The following ADAMTS18 variants were observed in gnomAD, a reference collection of about 807,000 sequenced individuals.
ADAMTS18 encodes ADAM metallopeptidase with thrombospondin type 1 motif 18, also known as A disintegrin and metalloproteinase with thrombospondin motifs 18.
Under a neutral mutation model 165.9 loss-of-function variants are expected in ADAMTS18, and 157 were observed. The ratio of observed to expected loss-of-function variants is 0.95; its 90% CI spans 0.83 to 1.08. The LOEUF is 1.08. Among genes scored for constraint, ADAMTS18 ranks in the 50% least tolerant of loss-of-function variants. The pLI, the probability that ADAMTS18 is intolerant of heterozygous loss-of-function variation, is 0.00. For missense variants in ADAMTS18, 2,040 were observed against 1,534.0 expected, an observed-to-expected ratio of 1.33 and a Z score of -5.51; for synonymous variants, 782 against 578.2, an observed-to-expected ratio of 1.35 and a Z score of -5.06.
intron 16 of ADAMTS18, among the ~76,000 whole-genome samples, chr16:77,311,038 A>T (rs553268988): frequency 6.6e-6 from 1 of 152,320 alleles, no homozygotes; most frequent in East Asian, 1.9e-4. Context: ...ATACACATGA[A>T]GGCAGATGAA....
rs370958292 is a variant in ADAMTS18 at position 77,338,773 on chromosome 16, GA to G, written c.1711-2870del. On this transcript the variant is annotated intron_variant, in intron 11 of 22. Coordinates refer to ENST00000282849, the MANE Select transcript of ADAMTS18 (RefSeq NM_199355.4). Reference sequence around the variant, plus strand: ...CCGAGAGCATCCTGGCTAATACGGTGAAACCTCATCTCTAATAAAAAATAGA... The same window carrying G: ...CCGAGAGCATCCTGGCTAATACGGTGAACCTCATCTCTAATAAAAAATAGA... Among the ~76,000 whole-genome samples, 51 of 151,726 alleles carry G rather than the reference GA, an allele frequency of 3.4e-4. No homozygotes were observed. The East Asian group carries it at 7.9e-3, about 24-fold the overall frequency.
intron 3 of ADAMTS18, among the ~76,000 whole-genome samples, chr16:77,370,658 G>A (rs530456333): frequency 2.0e-5 from 3 of 152,280 alleles, no homozygotes; most frequent in South Asian, 4.1e-4. Flanking sequence ...GCTGAGACAG[G>A]AGAATCGCTT....
chr16:77,312,546 A>G (rs2055803258), intron 16 of ADAMTS18, among the ~76,000 whole-genome samples: 1 of 152,234 alleles, frequency 6.6e-6, no homozygotes, highest in Non-Finnish European at 1.5e-5. Context: ...CCGTCTCAAA[A>G]AAAACTTCTA....
intron 3 of ADAMTS18, among the ~76,000 whole-genome samples, chr16:77,369,587 G>C (rs542729759): frequency 9.2e-5 from 14 of 152,326 alleles, no homozygotes; most frequent in South Asian, 4.1e-4. Context: ...GAGTTAAGGA[G>C]ATTTAATCTG....
chr16:77,410,460 T>A (rs1377995286), intron 3 of ADAMTS18, among the ~76,000 whole-genome samples: 1 of 152,104 alleles, frequency 6.6e-6, no homozygotes, highest in African/African-American at 2.4e-5. Flanking sequence ...GGCCTAGGAA[T>A]CTGAATTTTT....
intron 17 of ADAMTS18, among the ~76,000 whole-genome samples, chr16:77,299,132 C>CAGTGTG (rs1420089188): frequency 1.3e-5 from 2 of 152,210 alleles, no homozygotes; most frequent in Non-Finnish European, 2.9e-5. Flanking sequence ...CTAAATGAAA[C>CAGTGTG]AGTGTGAAGA....
chr16:77,335,825 T>A lies in ADAMTS18; in HGVS notation c.1790A>T (p.Lys597Met). Residue 597 changes from lysine (K) to methionine (M), a missense_variant, in exon 12 of 23, where the codon AAG (lysine) becomes ATG (methionine). Lys to Met is a moderately conservative substitution (Grantham distance 95). Transcript: ENST00000282849. ...PIHGQWSAWS[K>M]WSECSRTCGG... ...ACATGTCCGGGAACATTCTGACCAC[T>A]TCGACCAGGCGGACCACTGGCCGTG... The A allele has an allele frequency of 6.2e-7, 1 of 1,614,200 alleles. No individual in the cohort carries two copies. Among genetic ancestry groups the A allele is most frequent in the Non-Finnish European group, 8.5e-7 (1 of 1,180,036 alleles).
At chr16:77,363,641 G>C (rs2056748325) in intron 6 of ADAMTS18, among the ~76,000 whole-genome samples, 161 bp downstream of exon 6, 1 of 151,620 alleles carries the variant, frequency 6.6e-6, no homozygotes, top group African/African-American at 2.4e-5. Flanking sequence ...TTAATTGTGT[G>C]ATTACACAAT....
intron 3 of ADAMTS18, among the ~76,000 whole-genome samples, chr16:77,403,385 A>G (rs1188215113): frequency 2.0e-5 from 3 of 152,194 alleles, no homozygotes; most frequent in Non-Finnish European, 4.4e-5. Context: ...TCAATGTCAC[A>G]ACAATTTTAT....
chr16:77,318,503 C>T (rs188951030), intron 16 of ADAMTS18, among the ~76,000 whole-genome samples: 2 of 152,294 alleles, frequency 1.3e-5, no homozygotes, highest in Admixed American at 1.3e-4. Flanking sequence ...ACAATACCTA[C>T]CTTCCTAAGG....
chr16:77,315,894 A>G (rs74805570), intron 16 of ADAMTS18, among the ~76,000 whole-genome samples: 14,922 of 152,112 alleles, frequency 0.098, 994 homozygotes, highest in East Asian at 0.27. Flanking sequence ...ACTCTTGAAT[A>G]TCTAAGGTAC....
At chr16:77,315,627 G>A (rs1172177458) in intron 16 of ADAMTS18, among the ~76,000 whole-genome samples, 1 of 152,142 alleles carries the variant, frequency 6.6e-6, no homozygotes, top group East Asian at 1.9e-4. Flanking sequence ...TCCGTGACAG[G>A]TGCATGCTCC....
At chr16:77,301,473 A>C (rs1174739140) in intron 16 of ADAMTS18, among the ~76,000 whole-genome samples, 1 of 152,222 alleles carries the variant, frequency 6.6e-6, no homozygotes, top group East Asian at 1.9e-4. Flanking sequence ...TTCTTTTCCA[A>C]GCTGAAAGCA....
At chr16:77,375,234 C>G (rs2056932079) in intron 3 of ADAMTS18, among the ~76,000 whole-genome samples, 1 of 152,140 alleles carries the variant, frequency 6.6e-6, no homozygotes, top group Admixed American at 6.5e-5. Flanking sequence ...ATTGGTCAGG[C>G]TGATCCCGAA....
At chr16:77,303,816 G>A (rs556241514) in intron 16 of ADAMTS18, among the ~76,000 whole-genome samples, 9 of 152,296 alleles carry the variant, frequency 5.9e-5, no homozygotes, top group East Asian at 5.8e-4. Context: ...GGTGGATCAC[G>A]AGGTTAGGAG....
intron 13 of ADAMTS18, among the ~76,000 whole-genome samples, 175 bp downstream of exon 13, chr16:77,325,691 A>AC (rs398119518): frequency 3.3e-5 from 5 of 151,530 alleles, no homozygotes; most frequent in African/African-American, 7.3e-5. Flanking sequence ...AAAAAAAAAA[A>AC]CAACAGTGGA....
rs769808162 is a variant in ADAMTS18, at chr16:77,315,156, T to TA, written c.2532+4692dup. Among the ~76,000 whole-genome samples, 134 of 151,592 alleles carry TA rather than the reference T, an allele frequency of 8.8e-4. 1 individual carries two copies. The highest frequency in any genetic ancestry group is 1.9e-3 in the African/African-American group (80 of 41,316). On this transcript the variant is annotated intron_variant, in intron 16 of 22. Transcript: ENST00000282849. ...TCCTTCATTTTCTACCATCATGGCC[T>TA]AAAAAAAAATTTCTGTATCATCTAC...
At position 77,398,852 on chromosome 16, in the gene ADAMTS18, G is replaced by C. The variant is rs1260169779; in HGVS notation, c.496-31129C>G. ...ACTGTGTTAAGAAGTGTAAGTTTAAGACCTAAAGAGAGAGAAGACTGAAAA... is the reference window on the plus strand; with the variant it reads ...ACTGTGTTAAGAAGTGTAAGTTTAACACCTAAAGAGAGAGAAGACTGAAAA... On this transcript the variant is annotated intron_variant, in intron 3 of 22. Transcript: ENST00000282849. Among the ~76,000 whole-genome samples, 5 of 152,268 alleles carry C rather than the reference G, an allele frequency of 3.3e-5. No homozygotes were observed. The East Asian group carries it at 5.8e-4, about 18-fold the overall frequency.
At chr16:77,344,155 G>GTGTATATA (rs369058375) in intron 10 of ADAMTS18, among the ~76,000 whole-genome samples, 404 of 140,236 alleles carry the variant, frequency 2.9e-3, no homozygotes, top group African/African-American at 0.01. Context: ...ATGTGTGTGT[G>GTGTATATA]TATATATATA....
Sources: allele counts gnomAD v4.1 joint callset (sites outside exome capture counted in the v4.1 genomes callset), GRCh38; gene constraint gnomAD v4.1.1; transcripts MANE v1.5; gene names NCBI Gene and HGNC (gene_info 2026-07-23, HGNC 2026-07-21).